PBX1: variants seen among roughly 807,000 people sequenced by gnomAD.
The protein encoded by PBX1 is pre-B-cell leukemia transcription factor 1.
In PBX1, 6 loss-of-function variants were observed where a neutral mutation model predicts 53.4. That is an observed-to-expected ratio of 0.11 (90% CI 0.06 to 0.22). The LOEUF is 0.22. Ranked by LOEUF, PBX1 falls within the 10% of genes least tolerant of loss-of-function variation. The pLI is 1.00. For missense variants in PBX1, 251 were observed against 551.4 expected, an observed-to-expected ratio of 0.46 and a Z score of 5.46; for synonymous variants, 204 against 212.3, an observed-to-expected ratio of 0.96 and a Z score of 0.34.
At chr1:164,560,039 T>C in intron 1 of PBX1, 26 bp downstream of exon 1, 1 of 1,328,100 alleles carries the variant, frequency 7.5e-7, no homozygotes, top group Non-Finnish European at 9.7e-7. Context: ...TTCTTTTCCT[T>C]TCTTGGGGTT....
At chr1:164,745,801 C>G (rs373480667) in intron 2 of PBX1, among the ~76,000 whole-genome samples, 1 of 152,172 alleles carries the variant, frequency 6.6e-6, no homozygotes, top group Non-Finnish European at 1.5e-5. Flanking sequence ...TCTCTTAATT[C>G]TGCTGTGTGC....
chr1:164,570,243 C>T (rs1557865973), intron 2 of PBX1, among the ~76,000 whole-genome samples: 1 of 152,120 alleles, frequency 6.6e-6, no homozygotes, highest in African/African-American at 2.4e-5. Context: ...AGTTCTGGAA[C>T]ACGTGTGTGG....
At chr1:164,739,220 C>G (rs1405095411) in intron 2 of PBX1, among the ~76,000 whole-genome samples, 1 of 152,212 alleles carries the variant, frequency 6.6e-6, no homozygotes, top group African/African-American at 2.4e-5. Context: ...TAGACGTACA[C>G]TCGCCTGCGA....
chr1:164,879,088 T>C (rs1292790182), intron 2 of PBX1, among the ~76,000 whole-genome samples: 1 of 152,184 alleles, frequency 6.6e-6, no homozygotes, highest in Non-Finnish European at 1.5e-5. Flanking sequence ...TAAGAGCCCA[T>C]TGGAATAGCT....
intron 2 of PBX1, among the ~76,000 whole-genome samples, chr1:164,692,544 C>G (rs12142551): frequency 6.7e-6 from 1 of 149,270 alleles, no homozygotes; most frequent in Non-Finnish European, 1.5e-5. Context: ...ATAATGATAA[C>G]TAAGTTATGC....
intron 2 of PBX1, among the ~76,000 whole-genome samples, chr1:164,673,890 C>CA (rs1055164172): frequency 2.6e-5 from 4 of 152,064 alleles, no homozygotes; most frequent in African/African-American, 9.7e-5. Context: ...TCCTCTGCTA[C>CA]AAAAGCACAA....
rs1234434786 is a variant in PBX1, at chr1:164,851,003, G to C, written c.*4327G>C. 1 of 221,802 alleles carries C rather than the reference G, an allele frequency of 4.5e-6. No individual in the cohort carries two copies. The highest frequency in any genetic ancestry group is 2.2e-5 in the African/African-American group (1 of 44,660). The allele number at this position is 221,802 out of a possible 1,614,324, so 13.7% of individuals were successfully genotyped here. ...CCATTGGTTAAGTAAACTACATGCAGGAAGAAGTCCTTGGGGCCAGTCTGC... is the reference window on the plus strand; with the variant it reads ...CCATTGGTTAAGTAAACTACATGCACGAAGAAGTCCTTGGGGCCAGTCTGC... On this transcript the variant is annotated 3_prime_UTR_variant, in exon 9 of 9. Transcript: ENST00000420696.
chr1:164,710,612 T>C (rs1345463780), intron 2 of PBX1, among the ~76,000 whole-genome samples: 3 of 152,072 alleles, frequency 2.0e-5, no homozygotes, highest in South Asian at 4.1e-4. Flanking sequence ...GGTTTCTCCA[T>C]GTTGGTCAGG....
intron 2 of PBX1, among the ~76,000 whole-genome samples, chr1:164,620,979 G>A (rs868284962): frequency 2.7e-5 from 4 of 146,308 alleles, no homozygotes; most frequent in Admixed American, 6.9e-5. Flanking sequence ...CACTGCGCCC[G>A]GCATTAAAAA....
At position 164,849,783 on chromosome 1, in the gene PBX1, C is replaced by G; in HGVS notation, c.*3107C>G. ...TGGTGATTCTTTATTTGCTGGTTGT[C>G]TTTTCTCACACATCTTTCTCTCTGT... is the stretch of plus-strand genomic sequence containing the variant. On this transcript the variant is annotated 3_prime_UTR_variant, in exon 9 of 9. Coordinates refer to ENST00000420696, the MANE Select transcript of PBX1 (RefSeq NM_002585.4). The G allele has an allele frequency of 4.2e-6, 1 of 237,940 alleles. No homozygotes were observed. Among genetic ancestry groups the G allele is most frequent in the East Asian group, 6.0e-5 (1 of 16,684 alleles). 14.7% of individuals were successfully genotyped at this position (237,940 alleles called of 1,614,324 possible).
At chr1:164,801,076 T>G (rs56310441) in intron 4 of PBX1, among the ~76,000 whole-genome samples, 1 of 151,902 alleles carries the variant, frequency 6.6e-6, no homozygotes, top group East Asian at 1.9e-4. Context: ...TTAGTCAATG[T>G]GTTTTGGGTT....
In PBX1 at chr1:164,559,836, C is replaced by T; in HGVS notation, c.14C>T (p.Pro5Leu). ...TAGCCTTTGGAGATGGACGAGCAGC[C>T]CAGGCTGATGCATTCCCATGCTGGG... MDEQ[P>L]RLMHSHAGVG... The change falls in exon 1 of 9, where the codon CCC becomes CTC. Residue 5 changes from proline (P) to leucine (L), a missense_variant. Pro to Leu is a moderately conservative substitution (Grantham distance 98). Coordinates refer to ENST00000420696, the MANE Select transcript of PBX1 (RefSeq NM_002585.4). 6.5e-7 allele frequency: 1 copy of T among 1,548,912 alleles called. No homozygotes were observed. Among genetic ancestry groups the T allele is most frequent in the Non-Finnish European group, 8.7e-7 (1 of 1,146,354 alleles).
At chr1:164,812,890 G>A (rs1200463145) in intron 6 of PBX1, 5 of 152,080 alleles carry the variant, frequency 3.3e-5, no homozygotes, top group African/African-American at 1.2e-4. Context: ...TAACCTTTGT[G>A]TTTGTATGCT....
intron 2 of PBX1, among the ~76,000 whole-genome samples, chr1:164,645,548 A>G (rs903890583): frequency 1.3e-5 from 2 of 148,650 alleles, no homozygotes; most frequent in Admixed American, 6.7e-5. Flanking sequence ...GCTAAAGAGT[A>G]TAGTGGGGGG....
intron 2 of PBX1, among the ~76,000 whole-genome samples, chr1:164,879,056 A>T (rs1571555102): frequency 6.6e-6 from 1 of 152,292 alleles, no homozygotes; most frequent in East Asian, 1.9e-4. Flanking sequence ...ACTCATCCCA[A>T]ATCTGGGGAT....
chr1:164,752,222 G>GTT (rs1666273703), intron 2 of PBX1, among the ~76,000 whole-genome samples: 1 of 151,530 alleles, frequency 6.6e-6, no homozygotes. Flanking sequence ...GTGTGTGTGT[G>GTT]TGTGTGTGTG....
chr1:164,692,821 A>C (rs756731566), intron 2 of PBX1, among the ~76,000 whole-genome samples: 8 of 152,260 alleles, frequency 5.3e-5, no homozygotes, highest in Non-Finnish European at 4.4e-5. Flanking sequence ...CAGTCTTCAC[A>C]GTCGCCCTTT....
intron 2 of PBX1, among the ~76,000 whole-genome samples, chr1:164,593,694 T>G (rs984787987): frequency 3.9e-5 from 6 of 152,222 alleles, no homozygotes; most frequent in Non-Finnish European, 8.8e-5. Flanking sequence ...TTTCTTCCTT[T>G]TTTAGTTTTC....
At chr1:164,635,965 G>C (rs1433125062) in intron 2 of PBX1, among the ~76,000 whole-genome samples, 1 of 152,076 alleles carries the variant, frequency 6.6e-6, no homozygotes. Flanking sequence ...TCCTGTGCTG[G>C]ATCACATGAG....
Sources: allele counts gnomAD v4.1 joint callset (sites outside exome capture counted in the v4.1 genomes callset), GRCh38; gene constraint gnomAD v4.1.1; transcripts MANE v1.5; gene names NCBI Gene and HGNC (gene_info 2026-07-23, HGNC 2026-07-21).